The following TNNI3K variants were observed in gnomAD, a reference collection of about 807,000 sequenced individuals.
TNNI3K encodes the protein serine/threonine-protein kinase TNNI3K.
In TNNI3K, 140 loss-of-function variants were observed where a neutral mutation model predicts 114.5. That is an observed-to-expected ratio of 1.22 (90% CI 1.07 to 1.41). The LOEUF (loss-of-function observed/expected upper bound fraction) is 1.41. Ranked by LOEUF, TNNI3K falls within the 40% of genes most tolerant of loss-of-function variation. The pLI is 0.00. For missense variants in TNNI3K, 1,125 were observed against 1,007.6 expected (o/e 1.12, Z -1.58); for synonymous variants, 347 against 347.5 (o/e 1.00, Z 0.02).
At chr1:74,239,507 A>G (rs1472284502) in intron 2 of TNNI3K, among the ~76,000 whole-genome samples, 1 of 152,146 alleles carries the variant, frequency 6.6e-6, no homozygotes, top group Non-Finnish European at 1.5e-5. Context: ...ATAAACAATT[A>G]TGTTATGTTG....
intron 11 of TNNI3K, among the ~76,000 whole-genome samples, chr1:74,356,595 T>C (rs1484413586): frequency 6.6e-6 from 1 of 152,168 alleles, no homozygotes; most frequent in African/African-American, 2.4e-5. Context: ...GCATTAGTCT[T>C]CCGGAAGGCA....
At position 74,370,456 on chromosome 1, in the gene TNNI3K, C is replaced by T. The variant is rs766971849; in HGVS notation, c.1772+64C>T. ...CTAACTGGGAGTTTAAGACAGATTT[C>T]AGTGAAGATACATTTTAGACTTATT... On this transcript the variant is annotated intron_variant, in intron 17 of 24. Coordinates refer to ENST00000326637, the MANE Select transcript of TNNI3K (RefSeq NM_015978.3). 31 of 1,430,054 alleles carry T rather than the reference C, an allele frequency of 2.2e-5. No individual in the cohort carries two copies. In the South Asian group the frequency reaches 3.0e-4, roughly 14 times the overall value. The allele number at this position is 1,430,054 out of a possible 1,614,324, so 88.6% of individuals were successfully genotyped here.
chr1:74,360,249 G>A (rs376348351), intron 11 of TNNI3K, among the ~76,000 whole-genome samples: 19 of 151,818 alleles, frequency 1.3e-4, no homozygotes, highest in African/African-American at 2.9e-4. Flanking sequence ...AAATAAGGCC[G>A]TATTATTCCC....
chr1:74,343,146 A>T lies in TNNI3K; in HGVS notation c.899A>T (p.Lys300Met). 6.2e-7 allele frequency: 1 copy of T among 1,613,118 alleles called. No homozygotes were observed. Among genetic ancestry groups the T allele is most frequent in the Admixed American group, 1.7e-5 (1 of 59,680 alleles). ...ATATCAGGAACAGAAAGTCTGACTAAGGAAAACATCTTCAGTGAAACAGCT... is the reference window on the plus strand; with the variant it reads ...ATATCAGGAACAGAAAGTCTGACTATGGAAAACATCTTCAGTGAAACAGCT... ...IQISGTESLT[K>M]ENIFSETAFH... is the part of the protein sequence containing the mutation. Residue 300 changes from lysine (K) to methionine (M), a missense_variant, in exon 9 of 25, where the codon AAG (lysine) becomes ATG (methionine). Lys to Met is a moderately conservative substitution (Grantham distance 95). Coordinates refer to ENST00000326637, the MANE Select transcript of TNNI3K (RefSeq NM_015978.3).
chr1:74,406,166 G>T (rs1012000835), intron 17 of TNNI3K, among the ~76,000 whole-genome samples: 2 of 152,136 alleles, frequency 1.3e-5, no homozygotes, highest in African/African-American at 4.8e-5. Flanking sequence ...TGAAGTCCCT[G>T]TTTCCTTTCT....
intron 21 of TNNI3K, among the ~76,000 whole-genome samples, chr1:74,473,960 C>T (rs1189305915): frequency 6.6e-6 from 1 of 151,944 alleles, no homozygotes; most frequent in Non-Finnish European, 1.5e-5. Flanking sequence ...TTTTCTTTAC[C>T]GATTTCTGTT....
intron 23 of TNNI3K, among the ~76,000 whole-genome samples, 177 bp downstream of exon 23, chr1:74,492,443 G>T (rs1375175247): frequency 6.6e-6 from 1 of 152,114 alleles, no homozygotes; most frequent in Non-Finnish European, 1.5e-5. Flanking sequence ...TTTATTATCT[G>T]TTAGCCTAGG....
intron 17 of TNNI3K, among the ~76,000 whole-genome samples, chr1:74,396,996 T>A (rs1174324289): frequency 6.6e-6 from 1 of 152,106 alleles, no homozygotes; most frequent in African/African-American, 2.4e-5. Flanking sequence ...AAGGTTTTTG[T>A]AAGGAGAGAA....
intron 9 of TNNI3K, among the ~76,000 whole-genome samples, chr1:74,351,816 A>G (rs1244659244): frequency 1.3e-5 from 2 of 152,108 alleles, no homozygotes; most frequent in Non-Finnish European, 2.9e-5. Flanking sequence ...TTTCAGCTCC[A>G]TCAGGTCCTT....
intron 17 of TNNI3K, among the ~76,000 whole-genome samples, chr1:74,400,251 C>A (rs1664290824): frequency 6.6e-6 from 1 of 152,192 alleles, no homozygotes; most frequent in South Asian, 2.1e-4. Flanking sequence ...TAGTCACCAA[C>A]TCCACCCAAA....
At chr1:74,436,009 G>C in intron 17 of TNNI3K, 71 bp from the exon 18 acceptor site, 1 of 1,546,092 alleles carries the variant, frequency 6.5e-7, no homozygotes, top group Non-Finnish European at 8.7e-7. Context: ...CCTCTTCTTT[G>C]AGGGGCCAAT....
At chr1:74,279,662 T>C (rs549944876) in intron 5 of TNNI3K, among the ~76,000 whole-genome samples, 2 of 152,320 alleles carry the variant, frequency 1.3e-5, no homozygotes, top group African/African-American at 4.8e-5. Context: ...TTGCTTTTGG[T>C]TGGTACTGAT....
At chr1:74,506,541 G>C (rs1455712419) in intron 23 of TNNI3K, among the ~76,000 whole-genome samples, 2 of 152,138 alleles carry the variant, frequency 1.3e-5, no homozygotes, top group Admixed American at 1.3e-4. Context: ...TGGGTTTTAG[G>C]ATTATCATCT....
intron 5 of TNNI3K, among the ~76,000 whole-genome samples, chr1:74,319,904 GT>G (rs1021150184): frequency 1.3e-5 from 2 of 152,282 alleles, no homozygotes. Flanking sequence ...AAGAGCAATG[GT>G]TTTTGACCAT....
chr1:74,439,427 C>G, intron 19 of TNNI3K, 63 bp from the exon 20 acceptor site: 1 of 1,576,978 alleles, frequency 6.3e-7, no homozygotes, highest in African/African-American at 1.4e-5. Context: ...AAGAAGAATG[C>G]TACTCTGCAG....
chr1:74,350,161 G>T (rs572866021), intron 9 of TNNI3K, among the ~76,000 whole-genome samples: 3 of 152,096 alleles, frequency 2.0e-5, no homozygotes, highest in Admixed American at 2.0e-4. Context: ...CAGAGATTCT[G>T]GTATGTTGTG....
chr1:74,342,836 T>C lies in TNNI3K; in HGVS notation c.683-6T>C, dbSNP rs781173874. On this transcript the variant is annotated splice_polypyrimidine_tract_variant and splice_region_variant and intron_variant, in intron 7 of 24. Coordinates refer to ENST00000326637, the MANE Select transcript of TNNI3K (RefSeq NM_015978.3). ...AACATATCTTTTTCTTTCTTGCTGA[T>C]AACAGTGAATGCTCAAGATAATGAA... 2.5e-6 allele frequency: 4 copies of C among 1,613,528 alleles called. No individual in the cohort carries two copies. The highest frequency in any genetic ancestry group is 3.4e-6 in the Non-Finnish European group (4 of 1,179,782).
intron 5 of TNNI3K, among the ~76,000 whole-genome samples, chr1:74,278,070 G>A (rs573271519): frequency 1.6e-4 from 24 of 152,078 alleles, no homozygotes; most frequent in South Asian, 4.1e-4. Flanking sequence ...TTTAATAATC[G>A]CTTTAGTTTC....
intron 17 of TNNI3K, among the ~76,000 whole-genome samples, chr1:74,400,490 G>A (rs1289779159): frequency 1.3e-5 from 2 of 152,218 alleles, no homozygotes; most frequent in African/African-American, 4.8e-5. Flanking sequence ...AGGCACAGGT[G>A]GTTCCATTTC....
Sources: gnomAD v4.1 joint callset for allele counts (sites outside exome capture counted in the v4.1 genomes callset) on GRCh38, gnomAD v4.1.1 for gene constraint, MANE v1.5 for transcripts, NCBI Gene and HGNC (gene_info 2026-07-23, HGNC 2026-07-21) for gene names.